Variants in MAL2 observed in about 807,000 individuals in gnomAD.
The protein encoded by MAL2 is protein MAL2.
MAL2 carries 17 observed loss-of-function variants against 18.1 expected under a neutral mutation model. The ratio of observed to expected loss-of-function variants is 0.94; its 90% confidence interval spans 0.64 to 1.41. The LOEUF is 1.41. MAL2 is among the 40% of genes most tolerant of loss of function. The pLI, the probability that MAL2 is intolerant of heterozygous loss-of-function variation, is 0.00. For synonymous variants in MAL2, 102 were observed against 102.3 expected, an observed-to-expected ratio of 1.00 and a Z score of 0.02; for missense variants, 222 against 231.9, an observed-to-expected ratio of 0.96 and a Z score of 0.28.
At chr8:119,242,504 T>TAATAATAGGTATCA (rs1293289273) in intron 3 of MAL2, among the ~76,000 whole-genome samples, 2 of 152,174 alleles carry the variant, frequency 1.3e-5, no homozygotes, top group African/African-American at 4.8e-5. Context: ...TCCTTTTCCC[T>TAATAATAGGTATCA]AATAATAGGT....
chr8:119,245,647 G>A lies in MAL2; in HGVS notation c.*2159G>A, dbSNP rs1818137604. 1 of 152,026 alleles carries A rather than the reference G, an allele frequency of 6.6e-6. No individual in the cohort carries two copies. The highest frequency in any genetic ancestry group is 1.5e-5 in the Non-Finnish European group (1 of 68,004). 9.4% of individuals were successfully genotyped at this position (152,026 alleles called of 1,614,324 possible). A position where few individuals can be genotyped will look rare whatever the true frequency, so the allele number is the denominator to read the frequency against. On this transcript the variant is annotated 3_prime_UTR_variant, in exon 4 of 4. Transcript: ENST00000614891. The stretch of plus-strand genomic sequence containing the variant: ...AAGAAATTTATTTTATACGTGTTAT[G>A]TCTCTAATAAAGTATTCATTTGATA...
At position 119,243,548 on chromosome 8, in the gene MAL2, C is replaced by A; in HGVS notation, c.*60C>A. The A allele has an allele frequency of 7.1e-7, 1 of 1,417,182 alleles. No homozygotes were observed. The highest frequency in any genetic ancestry group is 9.5e-7 in the Non-Finnish European group (1 of 1,047,824). The allele number at this position is 1,417,182 out of a possible 1,614,324, so 87.8% of individuals were successfully genotyped here. A position where few individuals can be genotyped will look rare whatever the true frequency, so the allele number is the denominator to read the frequency against. On this transcript the variant is annotated 3_prime_UTR_variant, in exon 4 of 4. Coordinates refer to ENST00000614891, the MANE Select transcript of MAL2 (RefSeq NM_052886.3). ...CACTTGTCTACTTTATATGTCTGATCAATTTGGATACCATTTTGTCCAGAT... is the reference window on the plus strand; with the variant it reads ...CACTTGTCTACTTTATATGTCTGATAAATTTGGATACCATTTTGTCCAGAT...
intron 2 of MAL2, among the ~76,000 whole-genome samples, chr8:119,232,737 G>T (rs559844601): frequency 1.3e-5 from 2 of 152,002 alleles, no homozygotes; most frequent in Non-Finnish European, 2.9e-5. Flanking sequence ...ATAATAAAAA[G>T]ATGTTATTTA....
Position 119,208,643 on chromosome 8 carries a change from G to A in MAL2, c.132+39G>A. ...CCGGAGCGAGGGTCGCGCGGGGAGC[G>A]AGGACAGGCGGCGGCATCCTTGTCC... On this transcript the variant is annotated intron_variant, in intron 1 of 3. Transcript: ENST00000614891. The surrounding 1 kb of genome is among the most constrained non-coding windows in gnomAD (Gnocchi z 4.3). 7.8e-7 allele frequency: 1 copy of A among 1,274,990 alleles called. No individual in the cohort carries two copies. The highest frequency in any genetic ancestry group is 9.9e-7 in the Non-Finnish European group (1 of 1,009,144). 79.0% of individuals were successfully genotyped at this position (1,274,990 alleles called of 1,614,324 possible). A position where few individuals can be genotyped will look rare whatever the true frequency, so the allele number is the denominator to read the frequency against.
At position 119,208,631 on chromosome 8, in the gene MAL2, C is replaced by T. The variant is rs1225268747; in HGVS notation, c.132+27C>T. On this transcript the variant is annotated intron_variant, in intron 1 of 3. Transcript: ENST00000614891. This position sits in a 1 kb window ranked among gnomAD's most constrained non-coding sequence, Gnocchi z 4.3. ...TAAGTGGGGCCGCCGGAGCGAGGGT[C>T]GCGCGGGGAGCGAGGACAGGCGGCG... is the stretch of plus-strand genomic sequence containing the variant. The T allele has an allele frequency of 1.6e-6, 2 of 1,290,250 alleles. No individual in the cohort carries two copies. 79.9% of individuals were successfully genotyped at this position (1,290,250 alleles called of 1,614,324 possible).
At chr8:119,234,310 G>A (rs1223440967) in intron 2 of MAL2, among the ~76,000 whole-genome samples, 2 of 152,178 alleles carry the variant, frequency 1.3e-5, no homozygotes, top group Non-Finnish European at 2.9e-5. Flanking sequence ...AGGGTCCTAT[G>A]CCCACGGAAT....
chr8:119,221,230 A>G (rs1021884822), intron 1 of MAL2: 10 of 178,410 alleles, frequency 5.6e-5, no homozygotes, highest in Admixed American at 4.5e-4. Context: ...AAAATGGTTG[A>G]CTGAAAAAAT....
At chr8:119,221,561 C>T (rs1475772814) in intron 1 of MAL2, 26 bp from the exon 2 acceptor site, 1 of 1,612,148 alleles carries the variant, frequency 6.2e-7, no homozygotes, top group East Asian at 2.2e-5. Context: ...TTTAAGCAAA[C>T]CAATTACCCT....
intron 3 of MAL2, among the ~76,000 whole-genome samples, chr8:119,243,110 G>T (rs1048431807): frequency 2.0e-5 from 3 of 152,142 alleles, no homozygotes; most frequent in Non-Finnish European, 4.4e-5. Context: ...AGTGCTTAGG[G>T]ATTCACAAAT....
chr8:119,210,756 C>T (rs919637552), intron 1 of MAL2, among the ~76,000 whole-genome samples: 1 of 152,196 alleles, frequency 6.6e-6, no homozygotes, highest in Non-Finnish European at 1.5e-5. Flanking sequence ...AAACATGTCT[C>T]ACACTCTTGG....
At position 119,208,759 on chromosome 8, in the gene MAL2, C is replaced by A; in HGVS notation, c.132+155C>A. 2 of 1,146,894 alleles carry A rather than the reference C, an allele frequency of 1.7e-6. No individual in the cohort carries two copies. The highest frequency in any genetic ancestry group is 2.2e-6 in the Non-Finnish European group (2 of 915,094). 71.0% of individuals were successfully genotyped at this position (1,146,894 alleles called of 1,614,324 possible). A position where few individuals can be genotyped will look rare whatever the true frequency, so the allele number is the denominator to read the frequency against. ...TCCCTCCCGGGGTCCTCTCGGTGCC[C>A]CGCGCCGCCGCCCGGGCCCTCCCTC... is the stretch of plus-strand genomic sequence containing the variant. On this transcript the variant is annotated intron_variant, in intron 1 of 3. Transcript: ENST00000614891. The surrounding 1 kb of genome is among the most constrained non-coding windows in gnomAD (Gnocchi z 4.3).
rs532152536 is a variant in MAL2, at chr8:119,212,552, A to G, written c.132+3948A>G. Among the ~76,000 whole-genome samples the G allele has an allele frequency of 3.9e-5, 6 of 152,352 alleles. No homozygotes were observed. The South Asian group carries it at 1.2e-3, about 32-fold the overall frequency. On this transcript the variant is annotated intron_variant, in intron 1 of 3. Coordinates refer to ENST00000614891, the MANE Select transcript of MAL2 (RefSeq NM_052886.3). ...TTACTGTTTGGTGGAATATAAAGTC[A>G]AGAAAGAATTACCATGCTGTGTATG...
rs565552439 is a variant in MAL2, at chr8:119,220,423, A to G, written c.133-1164A>G. ...GTTGATAGAGCTGAGAAACACAGAGATGTGCTGCCTCACCATCCACCCTTT... is the reference window on the plus strand; with the variant it reads ...GTTGATAGAGCTGAGAAACACAGAGGTGTGCTGCCTCACCATCCACCCTTT... On this transcript the variant is annotated intron_variant, in intron 1 of 3. Coordinates refer to ENST00000614891, the MANE Select transcript of MAL2 (RefSeq NM_052886.3). 3.3e-5 allele frequency among the ~76,000 whole-genome samples: 5 copies of G among 152,324 alleles called. No homozygotes were observed. The East Asian group carries it at 7.7e-4, about 24-fold the overall frequency.
At chr8:119,235,226 G>A (rs1817853173) in intron 2 of MAL2, among the ~76,000 whole-genome samples, 1 of 152,134 alleles carries the variant, frequency 6.6e-6, no homozygotes, top group African/African-American at 2.4e-5. Context: ...AAGATGAAAT[G>A]AAGCGAGAAG....
In MAL2 at chr8:119,208,386, G is replaced by C; in HGVS notation, c.-87G>C. 1 of 599,868 alleles carries C rather than the reference G, an allele frequency of 1.7e-6. No individual in the cohort carries two copies. The highest frequency in any genetic ancestry group is 2.0e-6 in the Non-Finnish European group (1 of 497,654). The allele number at this position is 599,868 out of a possible 1,614,324, so 37.2% of individuals were successfully genotyped here. A position where few individuals can be genotyped will look rare whatever the true frequency, so the allele number is the denominator to read the frequency against. ...GCGCGCCCGGAGCCCGCGGAGCTGA[G>C]CGGCGGCGGCGGCGGCGGCAGGAGC... On this transcript the variant is annotated 5_prime_UTR_variant, in exon 1 of 4. Coordinates refer to ENST00000614891, the MANE Select transcript of MAL2 (RefSeq NM_052886.3). The surrounding 1 kb of genome is among the most constrained non-coding windows in gnomAD (Gnocchi z 4.3).
chr8:119,238,384 TCAAGCTAC>T (rs1348713444), intron 2 of MAL2, among the ~76,000 whole-genome samples: 1 of 152,138 alleles, frequency 6.6e-6, no homozygotes, highest in Non-Finnish European at 1.5e-5. Flanking sequence ...GCCATCCCCA[TCAAGCTAC>T]CAATGACTTT....
chr8:119,227,156 C>G (rs1273319321), intron 2 of MAL2, among the ~76,000 whole-genome samples: 1 of 152,098 alleles, frequency 6.6e-6, no homozygotes, highest in Non-Finnish European at 1.5e-5. Context: ...TAAATTGTTA[C>G]AAAATTAATG....
At chr8:119,218,065 C>G (rs1009848273) in intron 1 of MAL2, among the ~76,000 whole-genome samples, 1 of 152,148 alleles carries the variant, frequency 6.6e-6, no homozygotes, top group Non-Finnish European at 1.5e-5. Flanking sequence ...GATCCATACA[C>G]CAGTATGACA....
At chr8:119,222,520 C>CAAA (rs771003231) in intron 2 of MAL2, among the ~76,000 whole-genome samples, 1 of 80,594 alleles carries the variant, frequency 1.2e-5, no homozygotes, top group East Asian at 3.6e-4. Context: ...GACTCCATCT[C>CAAA]AAAAAAAAAA....
Sources: gnomAD v4.1 joint callset for allele counts (sites outside exome capture counted in the v4.1 genomes callset) on GRCh38, gnomAD v4.1.1 for gene constraint, Gnocchi (gnomAD v3.1) non-coding constraint, MANE v1.5 for transcripts, NCBI Gene and HGNC (gene_info 2026-07-23, HGNC 2026-07-21) for gene names.